PARD3: variants seen among roughly 807,000 people sequenced by gnomAD.
PARD3 encodes the protein partitioning defective 3 homolog.
Under a neutral mutation model 155.4 loss-of-function variants are expected in PARD3, and 75 were observed. That is an observed-to-expected ratio of 0.48 (90% CI 0.40 to 0.58). PARD3 has a LOEUF of 0.58. Among genes scored for constraint, PARD3 ranks in the 20% least tolerant of loss-of-function variants. The pLI is 0.00. For synonymous variants in PARD3, 576 were observed against 610.5 expected, an observed-to-expected ratio of 0.94 and a Z score of 0.83; for missense variants, 1,642 against 1,721.7, an observed-to-expected ratio of 0.95 and a Z score of 0.82.
Position 34,519,857 on chromosome 10 carries a change from T to TAA in PARD3, c.223-2700_223-2699dup, listed in dbSNP as rs949323699. 2.7e-5 allele frequency among the ~76,000 whole-genome samples: 4 copies of TAA among 150,646 alleles called. No homozygotes were observed. In the Admixed American group the frequency reaches 2.7e-4, roughly 10 times the overall value. On this transcript the variant is annotated intron_variant, in intron 2 of 24. Coordinates refer to ENST00000374788, the MANE Select transcript of PARD3 (RefSeq NM_001184785.2). ...TAACATAACATAACATAACATAACATAACATAACATAACATAACATAACAT... is the reference window on the plus strand; with the variant it reads ...TAACATAACATAACATAACATAACATAAAACATAACATAACATAACATAACAT...
At chr10:34,713,850 TCTCCTCTGGAGAGGTTAC>T (rs759504554) in intron 1 of PARD3, among the ~76,000 whole-genome samples, 7 of 152,078 alleles carry the variant, frequency 4.6e-5, no homozygotes, top group Non-Finnish European at 8.8e-5. Flanking sequence ...ATCTCCTGCC[TCTCCTCTGGAGAGGTTAC>T]CTCCTCTGAG....
chr10:34,609,060 A>T (rs1766536277), intron 2 of PARD3, among the ~76,000 whole-genome samples: 1 of 152,206 alleles, frequency 6.6e-6, no homozygotes, highest in African/African-American at 2.4e-5. Flanking sequence ...CAGAACATTT[A>T]AAAAATCTTT....
intron 5 of PARD3, among the ~76,000 whole-genome samples, chr10:34,439,929 C>A (rs2132644098): frequency 6.6e-6 from 1 of 152,064 alleles, no homozygotes; most frequent in Non-Finnish European, 1.5e-5. Flanking sequence ...AAAAAAAATT[C>A]AAAAATAAAG....
At chr10:34,367,301 T>C (rs1393886020) in intron 12 of PARD3, among the ~76,000 whole-genome samples, 2 of 152,232 alleles carry the variant, frequency 1.3e-5, no homozygotes, top group African/African-American at 2.4e-5. Flanking sequence ...TTCATACTTG[T>C]ATTTCATTCA....
At position 34,196,536 on chromosome 10, in the gene PARD3, T is replaced by TCTTTTGA. The variant is rs1950941575; in HGVS notation, c.3420-64960_3420-64954dup. On this transcript the variant is annotated intron_variant, in intron 22 of 24. Coordinates refer to ENST00000374788, the MANE Select transcript of PARD3 (RefSeq NM_001184785.2). ...TTGTTACTTAGTTTTGCCTGTATTG[T>TCTTTTGA]CTTTTGAGTTACAAATACTTTGTAC... 2.0e-5 allele frequency among the ~76,000 whole-genome samples: 3 copies of TCTTTTGA among 151,920 alleles called. No individual in the cohort carries two copies. In the South Asian group the frequency reaches 6.2e-4, roughly 32 times the overall value.
intron 1 of PARD3, among the ~76,000 whole-genome samples, chr10:34,797,769 C>G (rs1014848557): frequency 6.6e-6 from 1 of 152,162 alleles, no homozygotes; most frequent in African/African-American, 2.4e-5. Flanking sequence ...ACAACTCCCC[C>G]GTGCTGTCTC....
intron 10 of PARD3, among the ~76,000 whole-genome samples, chr10:34,375,941 A>C (rs1841187432): frequency 6.6e-6 from 1 of 152,218 alleles, no homozygotes; most frequent in Non-Finnish European, 1.5e-5. Flanking sequence ...TTACAAAATA[A>C]AACAAGCTAC....
At chr10:34,119,220 C>T (rs1428059843) in intron 24 of PARD3, among the ~76,000 whole-genome samples, 1 of 152,190 alleles carries the variant, frequency 6.6e-6, no homozygotes, top group Non-Finnish European at 1.5e-5. Flanking sequence ...TTTTATGGAG[C>T]TCTGGATTTA....
intron 2 of PARD3, among the ~76,000 whole-genome samples, chr10:34,640,317 CT>C (rs915102960): frequency 6.6e-6 from 1 of 152,104 alleles, no homozygotes; most frequent in Non-Finnish European, 1.5e-5. Context: ...TCATATGCAC[CT>C]TTTAAAAGGC....
intron 20 of PARD3, among the ~76,000 whole-genome samples, chr10:34,287,877 A>G (rs774838865): frequency 1.3e-5 from 2 of 152,154 alleles, no homozygotes; most frequent in Non-Finnish European, 2.9e-5. Flanking sequence ...TTTTTTGTAA[A>G]TGTATTACCA....
Position 34,640,898 on chromosome 10 carries a change from G to A in PARD3, c.222+55420C>T, listed in dbSNP as rs188399005. 2.8e-4 allele frequency among the ~76,000 whole-genome samples: 43 copies of A among 151,880 alleles called. No homozygotes were observed. The East Asian group carries it at 7.5e-3, about 27-fold the overall frequency. On this transcript the variant is annotated intron_variant, in intron 2 of 24. Transcript: ENST00000374788. ...GGGGGAAAAAAGGGACAGGGAGGGA[G>A]GGAATGTGATATATTAATAAACATG...
intron 2 of PARD3, among the ~76,000 whole-genome samples, chr10:34,686,753 A>G (rs529165005): frequency 3.4e-5 from 5 of 149,144 alleles, no homozygotes; most frequent in African/African-American, 7.4e-5. Flanking sequence ...AAAAGAAAAG[A>G]AAAAAAAAAG....
chr10:34,121,903 A>G (rs1019764533), intron 23 of PARD3, among the ~76,000 whole-genome samples: 4 of 152,250 alleles, frequency 2.6e-5, no homozygotes, highest in Admixed American at 6.5e-5. Flanking sequence ...TTCAGCAAGA[A>G]AAACACTTCG....
intron 1 of PARD3, among the ~76,000 whole-genome samples, chr10:34,783,727 A>AAAAAAGG (rs1840573221): frequency 6.6e-6 from 1 of 152,118 alleles, no homozygotes; most frequent in Non-Finnish European, 1.5e-5. Context: ...TTTAGAAAGA[A>AAAAAAGG]AAAAAGGGAG....
intron 22 of PARD3, among the ~76,000 whole-genome samples, chr10:34,254,114 G>A (rs1011031488): frequency 3.3e-5 from 5 of 152,212 alleles, no homozygotes; most frequent in African/African-American, 7.2e-5. Context: ...GGGAGTGGTG[G>A]CTCACTCCTA....
intron 23 of PARD3, among the ~76,000 whole-genome samples, chr10:34,122,975 A>G (rs1251005647): frequency 6.6e-6 from 1 of 152,250 alleles, no homozygotes; most frequent in Non-Finnish European, 1.5e-5. Flanking sequence ...ATAAAATATC[A>G]TCAACAACTG....
intron 16 of PARD3, among the ~76,000 whole-genome samples, chr10:34,340,818 A>C (rs1836731057): frequency 6.6e-6 from 1 of 152,210 alleles, no homozygotes; most frequent in South Asian, 2.1e-4. Context: ...GGAATGGCTA[A>C]GTGGTGAAGG....
chr10:34,705,602 T>C (rs962838128), intron 1 of PARD3, among the ~76,000 whole-genome samples: 12 of 152,052 alleles, frequency 7.9e-5, no homozygotes, highest in African/African-American at 2.9e-4. Flanking sequence ...GCCTTCTCAA[T>C]ACAGGGAGAA....
chr10:34,635,510 T>C (rs1206963653), intron 2 of PARD3, among the ~76,000 whole-genome samples: 2 of 152,114 alleles, frequency 1.3e-5, no homozygotes, highest in African/African-American at 2.4e-5. Flanking sequence ...TGTGACAGGG[T>C]TGCTACAGAA....
Sources: gnomAD v4.1 joint callset for allele counts (sites outside exome capture counted in the v4.1 genomes callset) on GRCh38, gnomAD v4.1.1 for gene constraint, MANE v1.5 for transcripts, NCBI Gene and HGNC (gene_info 2026-07-23, HGNC 2026-07-21) for gene names.